Variants in ALK observed in about 807,000 individuals in gnomAD.
ALK encodes ALK receptor tyrosine kinase.
In ALK, 74 loss-of-function variants were observed where a neutral mutation model predicts 163.1. The observed-to-expected ratio is 0.45, with a 90% CI of 0.38 to 0.55. The LOEUF (loss-of-function observed/expected upper bound fraction) is 0.55, where lower values mean the gene tolerates loss of function less well. Among genes scored for constraint, ALK ranks in the 20% least tolerant of loss-of-function variants. ALK has a pLI of 0.00. For synonymous variants in ALK, 960 were observed against 843.2 expected, an observed-to-expected ratio of 1.14 and a Z score of -2.40; for missense variants, 2,063 against 2,105.3, an observed-to-expected ratio of 0.98 and a Z score of 0.39.
intron 1 of ALK, among the ~76,000 whole-genome samples, chr2:29,850,557 G>A (rs1368350235): frequency 1.3e-5 from 2 of 152,160 alleles, no homozygotes; most frequent in Non-Finnish European, 2.9e-5. Context: ...ATTGGCAACT[G>A]CAGAAAAAGG....
At chr2:29,817,204 C>T (rs1388850718) in intron 1 of ALK, among the ~76,000 whole-genome samples, 1 of 148,628 alleles carries the variant, frequency 6.7e-6, no homozygotes, top group Non-Finnish European at 1.5e-5. Flanking sequence ...GGGTGTGTCA[C>T]ACTAAGCGGT....
intron 11 of ALK, among the ~76,000 whole-genome samples, chr2:29,260,790 T>C (rs2148205093): frequency 6.6e-6 from 1 of 152,050 alleles, no homozygotes; most frequent in Non-Finnish European, 1.5e-5. Flanking sequence ...GCTCAGATCA[T>C]GCCACTGCAC....
intron 1 of ALK, among the ~76,000 whole-genome samples, chr2:29,836,545 C>G (rs1665566488): frequency 6.6e-6 from 1 of 152,138 alleles, no homozygotes; most frequent in African/African-American, 2.4e-5. Context: ...ATTTTGTGGC[C>G]CCATCCAACT....
intron 4 of ALK, among the ~76,000 whole-genome samples, chr2:29,452,989 C>T (rs143549871): frequency 7.6e-4 from 115 of 152,152 alleles, no homozygotes; most frequent in African/African-American, 2.5e-3. Flanking sequence ...TAAGCAGATA[C>T]GATAATTAAA....
rs191735981 is a variant in ALK, at chr2:29,401,706, C to G, written c.1155-17847G>C. The stretch of plus-strand genomic sequence containing the variant: ...CCAAGTTCCTGTCTAGCGCCTCCCA[C>G]GCAGGCCTCCATAATAAGGAGGTGA... On this transcript the variant is annotated intron_variant, in intron 4 of 28. Coordinates refer to ENST00000389048, the MANE Select transcript of ALK (RefSeq NM_004304.5). Among the ~76,000 whole-genome samples the G allele has an allele frequency of 9.2e-5, 14 of 152,280 alleles. No individual in the cohort carries two copies. In the East Asian group the frequency reaches 2.5e-3, roughly 27 times the overall value.
chr2:29,481,493 G>A (rs904773053), intron 4 of ALK, among the ~76,000 whole-genome samples: 10 of 152,156 alleles, frequency 6.6e-5, no homozygotes, highest in African/African-American at 2.2e-4. Context: ...AGCACACATT[G>A]CATAGATAAG....
chr2:29,416,840 G>A (rs1331304511), intron 4 of ALK, among the ~76,000 whole-genome samples: 1 of 151,934 alleles, frequency 6.6e-6, no homozygotes, highest in Non-Finnish European at 1.5e-5. Context: ...TTTTCCATCT[G>A]TAAAATGGGA....
At position 29,812,963 on chromosome 2, in the gene ALK, T is replaced by C. The variant is rs75719254; in HGVS notation, c.668-95266A>G. Reference sequence around the variant, plus strand: ...CTAGGGGCTGTATAGGGAATAAAGATGGTGCCAACTTGGTCCTGATCTGAA... The same window carrying C: ...CTAGGGGCTGTATAGGGAATAAAGACGGTGCCAACTTGGTCCTGATCTGAA... On this transcript the variant is annotated intron_variant, in intron 1 of 28. Coordinates refer to ENST00000389048, the MANE Select transcript of ALK (RefSeq NM_004304.5). 1.5e-3 allele frequency among the ~76,000 whole-genome samples: 235 copies of C among 152,294 alleles called. 3 individuals carry two copies. The East Asian group carries it at 0.031, about 20-fold the overall frequency.
intron 1 of ALK, among the ~76,000 whole-genome samples, chr2:29,775,183 C>T (rs1449128872): frequency 1.3e-5 from 2 of 152,168 alleles, no homozygotes; most frequent in Non-Finnish European, 2.9e-5. Flanking sequence ...ACATTATGCT[C>T]AGTGGAAGGT....
intron 2 of ALK, among the ~76,000 whole-genome samples, chr2:29,714,716 A>G (rs1011484895): frequency 6.6e-6 from 1 of 152,212 alleles, no homozygotes; most frequent in African/African-American, 2.4e-5. Context: ...TTCAGGCAGC[A>G]ATTTTCCAGT....
intron 1 of ALK, among the ~76,000 whole-genome samples, chr2:29,788,964 AGC>A (rs1434333864): frequency 3.3e-5 from 5 of 150,556 alleles, no homozygotes; most frequent in African/African-American, 7.3e-5. Context: ...CACCAACTTT[AGC>A]TAAGTTTTGC....
chr2:29,295,687 C>G (rs1009688888), intron 9 of ALK, among the ~76,000 whole-genome samples: 59 of 152,290 alleles, frequency 3.9e-4, no homozygotes, highest in Admixed American at 2.5e-3. Flanking sequence ...AAATGTGAAA[C>G]CAGCTTTACA....
chr2:29,871,718 T>C (rs1666582647), intron 1 of ALK, among the ~76,000 whole-genome samples: 2 of 152,118 alleles, frequency 1.3e-5, no homozygotes, highest in South Asian at 4.1e-4. Flanking sequence ...AAAAATACAT[T>C]AGACATCAGC....
intron 5 of ALK, among the ~76,000 whole-genome samples, chr2:29,360,940 G>A (rs1223297822): frequency 6.6e-6 from 1 of 152,200 alleles, no homozygotes; most frequent in Non-Finnish European, 1.5e-5. Flanking sequence ...CCCTGGTCAT[G>A]GGCCTGAAAC....
At chr2:29,393,545 C>G (rs560608609) in intron 4 of ALK, among the ~76,000 whole-genome samples, 6 of 152,228 alleles carry the variant, frequency 3.9e-5, no homozygotes, top group African/African-American at 1.4e-4. Context: ...TCCGTCACCA[C>G]TGGATCATCC....
At chr2:29,360,790 C>T (rs1668368315) in intron 5 of ALK, among the ~76,000 whole-genome samples, 1 of 152,194 alleles carries the variant, frequency 6.6e-6, no homozygotes. Flanking sequence ...ATTAATTATA[C>T]TTAATTTATG....
chr2:29,623,606 C>T (rs79696803), intron 3 of ALK, among the ~76,000 whole-genome samples: 1 of 152,154 alleles, frequency 6.6e-6, no homozygotes, highest in South Asian at 2.1e-4. Flanking sequence ...GTGACTTTCC[C>T]TAAACTGCAC....
Position 29,409,619 on chromosome 2 carries a change from T to C in ALK, c.1155-25760A>G, listed in dbSNP as rs1238857544. Among the ~76,000 whole-genome samples the C allele has an allele frequency of 3.3e-5, 5 of 152,286 alleles. No individual in the cohort carries two copies. The East Asian group carries it at 9.7e-4, about 29-fold the overall frequency. On this transcript the variant is annotated intron_variant, in intron 4 of 28. Coordinates refer to ENST00000389048, the MANE Select transcript of ALK (RefSeq NM_004304.5). The stretch of plus-strand genomic sequence containing the variant: ...TAATCAGAGAAGATGCCATTGGACC[T>C]CCAGCCTTATAATGATCACCACTGG...
At chr2:29,483,387 T>C (rs543368586) in intron 4 of ALK, among the ~76,000 whole-genome samples, 8 of 152,200 alleles carry the variant, frequency 5.3e-5, no homozygotes, top group Non-Finnish European at 8.8e-5. Flanking sequence ...AGTGTATGTC[T>C]AAGTTTGAGA....
Sources: gnomAD v4.1 joint callset for allele counts (sites outside exome capture counted in the v4.1 genomes callset) on GRCh38, gnomAD v4.1.1 for gene constraint, MANE v1.5 for transcripts, NCBI Gene and HGNC (gene_info 2026-07-23, HGNC 2026-07-21) for gene names.